The following SPECC1L variants were observed in gnomAD, a reference collection of about 807,000 sequenced individuals.
SPECC1L encodes cytospin-A.
SPECC1L carries 40 observed loss-of-function variants against 116.8 expected under a neutral mutation model. That is an observed-to-expected ratio of 0.34 (90% CI 0.27 to 0.45). The LOEUF is 0.45. Ranked by LOEUF, SPECC1L falls within the 20% of genes least tolerant of loss-of-function variation. The pLI is 1.00. For missense variants in SPECC1L, 1,110 were observed against 1,373.6 expected (o/e 0.81, Z 3.03); for synonymous variants, 504 against 500.6 (o/e 1.01, Z -0.09).
chr22:24,388,715 A>G (rs1371234372), intron 14 of SPECC1L, among the ~76,000 whole-genome samples: 1 of 152,318 alleles, frequency 6.6e-6, no homozygotes, highest in South Asian at 2.1e-4. Flanking sequence ...CTCTCTTGCC[A>G]TGTAAATAAA....
At chr22:24,312,923 T>C (rs1409911264) in intron 3 of SPECC1L, among the ~76,000 whole-genome samples, 2 of 152,234 alleles carry the variant, frequency 1.3e-5, no homozygotes, top group African/African-American at 2.4e-5. Flanking sequence ...GGAATCACTT[T>C]AGAGCAGTGA....
At position 24,275,358 on chromosome 22, in the gene SPECC1L, G is replaced by A. The variant is rs200049783; in HGVS notation, c.-141-1342G>A. ...GCTGTGAGACACCTCCCAGTAGTGC[G>A]TACCAACTTTTCAAAGTCTGTTTAA... is the stretch of plus-strand genomic sequence containing the variant. On this transcript the variant is annotated intron_variant, in intron 1 of 16. Coordinates refer to ENST00000314328, the MANE Select transcript of SPECC1L (RefSeq NM_015330.6). 4.1e-3 allele frequency among the ~76,000 whole-genome samples: 616 copies of A among 148,746 alleles called. 2 individuals are homozygous for A. Among genetic ancestry groups the A allele is most frequent in the African/African-American group, 0.014 (569 of 40,224 alleles).
In SPECC1L at chr22:24,363,334, G is replaced by A. The variant is rs1244471540; in HGVS notation, c.2817G>A (p.Lys939=). 6.2e-7 allele frequency: 1 copy of A among 1,613,936 alleles called. No individual in the cohort carries two copies. The highest frequency in any genetic ancestry group is 2.2e-5 in the East Asian group (1 of 44,894). ...GAGTGCCTGCGATGGAAAGTGCCAAGACCCTCTCAGGTGATGACTTTCATC... is the reference window on the plus strand; with the variant it reads ...GAGTGCCTGCGATGGAAAGTGCCAAAACCCTCTCAGGTGATGACTTTCATC... ...LPRVPAMESA[K]TLSVSRRSSE... is the part of the protein sequence containing the mutation. Residue 939 remains lysine (K), a synonymous_variant, in exon 12 of 17, where the codon AAG becomes AAA. Coordinates refer to ENST00000314328, the MANE Select transcript of SPECC1L (RefSeq NM_015330.6).
At chr22:24,310,299 A>G (rs2040438004) in intron 3 of SPECC1L, among the ~76,000 whole-genome samples, 1 of 152,236 alleles carries the variant, frequency 6.6e-6, no homozygotes, top group East Asian at 1.9e-4. Context: ...GCAATAAAAA[A>G]CAATGCTGCA....
chr22:24,385,841 A>G (rs1203441540), intron 14 of SPECC1L, among the ~76,000 whole-genome samples: 1 of 152,254 alleles, frequency 6.6e-6, no homozygotes, highest in Non-Finnish European at 1.5e-5. Flanking sequence ...TAGAAAAAGC[A>G]AATGAAATTT....
At chr22:24,341,202 A>G (rs2041170364) in intron 10 of SPECC1L, among the ~76,000 whole-genome samples, 1 of 152,178 alleles carries the variant, frequency 6.6e-6, no homozygotes, top group South Asian at 2.1e-4. Flanking sequence ...CTGCATAGAG[A>G]AAGGAGTATA....
At chr22:24,338,501 GCT>G in intron 10 of SPECC1L, 24 bp downstream of exon 10, 1 of 1,606,030 alleles carries the variant, frequency 6.2e-7, no homozygotes, top group Non-Finnish European at 8.5e-7. Flanking sequence ...ACCACAGGAG[GCT>G]CTTAGAGCCT....
chr22:24,359,662 A>C (rs998704849), intron 11 of SPECC1L, among the ~76,000 whole-genome samples: 1 of 151,624 alleles, frequency 6.6e-6, no homozygotes, highest in Non-Finnish European at 1.5e-5. Flanking sequence ...CCTCTGGCCT[A>C]CCTTTGAAGG....
rs2049294438 is a variant in SPECC1L, at chr22:24,297,676, G to C, written c.-37-4519G>C. Among the ~76,000 whole-genome samples, 5 of 151,760 alleles carry C rather than the reference G, an allele frequency of 3.3e-5. No homozygotes were observed. In the South Asian group the frequency reaches 8.3e-4, roughly 25 times the overall value. The stretch of plus-strand genomic sequence containing the variant: ...TGGTCAACCAAGGTCTGAAAATATT[G>C]AATGGAAAAATTCCTGAAACAAACA... On this transcript the variant is annotated intron_variant, in intron 2 of 16. Transcript: ENST00000314328.
At chr22:24,284,243 G>T (rs1457376060) in intron 2 of SPECC1L, among the ~76,000 whole-genome samples, 1 of 151,852 alleles carries the variant, frequency 6.6e-6, no homozygotes, top group Admixed American at 6.6e-5. Flanking sequence ...GTTTTTAAAG[G>T]TAATTTAAGG....
intron 2 of SPECC1L, among the ~76,000 whole-genome samples, chr22:24,279,008 A>T (rs1010784297): frequency 3.9e-5 from 6 of 152,214 alleles, no homozygotes; most frequent in African/African-American, 1.4e-4. Context: ...TCACAAAAGG[A>T]TGAGGGAGGT....
At chr22:24,307,775 G>A (rs1037022548) in intron 3 of SPECC1L, among the ~76,000 whole-genome samples, 5 of 151,674 alleles carry the variant, frequency 3.3e-5, no homozygotes, top group African/African-American at 1.2e-4. Flanking sequence ...CTGATTGCAG[G>A]AGATCCTTCT....
intron 11 of SPECC1L, among the ~76,000 whole-genome samples, chr22:24,362,370 A>G (rs1601607952): frequency 6.6e-6 from 1 of 152,206 alleles, no homozygotes. Context: ...GCCAATGCCC[A>G]AGGAACTAAA....
chr22:24,390,135 T>TAAA (rs397961386), intron 14 of SPECC1L, among the ~76,000 whole-genome samples: 3 of 135,620 alleles, frequency 2.2e-5, no homozygotes, highest in East Asian at 2.1e-4. Context: ...CCCCAACCCT[T>TAAA]AAAAAAAAAA....
chr22:24,311,319 T>C (rs2040456243), intron 3 of SPECC1L, among the ~76,000 whole-genome samples: 1 of 152,202 alleles, frequency 6.6e-6, no homozygotes, highest in Non-Finnish European at 1.5e-5. Flanking sequence ...AAAGATTAGT[T>C]CAAAGATAAT....
In SPECC1L at chr22:24,363,300, C is replaced by G. The variant is rs1569435933; in HGVS notation, c.2783C>G (p.Ser928Cys). The G allele has an allele frequency of 6.2e-7, 1 of 1,614,214 alleles. No individual in the cohort carries two copies. The highest frequency in any genetic ancestry group is 8.5e-7 in the Non-Finnish European group (1 of 1,180,030). Residue 928 changes from serine (S) to cysteine (C), a missense_variant, in exon 12 of 17, where the codon TCC becomes TGC. Ser to Cys is a moderately radical substitution (Grantham distance 112). This residue lies in a region of SPECC1L where 575 missense variants were observed against 682.4 expected (regional missense o/e 0.84). Transcript: ENST00000314328. ...LRTSSASRPA[S>C]LPRVPAMESA... ...ACATCTTCAGCCAGCCGGCCTGCTT[C>G]CCTGCCAAGAGTGCCTGCGATGGAA... is the stretch of plus-strand genomic sequence containing the variant.
chr22:24,356,830 C>A (rs1365546715), intron 11 of SPECC1L, among the ~76,000 whole-genome samples: 1 of 152,030 alleles, frequency 6.6e-6, no homozygotes, highest in East Asian at 1.9e-4. Flanking sequence ...TAAATTCTTT[C>A]AGTGGTTGCC....
chr22:24,375,943 C>T (rs567315269), intron 14 of SPECC1L, among the ~76,000 whole-genome samples: 1 of 151,800 alleles, frequency 6.6e-6, no homozygotes, highest in East Asian at 1.9e-4. Context: ...GAGTGAGACT[C>T]TGTCTCAAAA....
intron 10 of SPECC1L, chr22:24,343,371 T>C (rs1196358570): frequency 5.3e-6 from 2 of 379,670 alleles, no homozygotes; most frequent in African/African-American, 4.4e-5. Flanking sequence ...GATAAGAAAC[T>C]CTTAAGGACA....
Sources: gnomAD v4.1 joint callset for allele counts (sites outside exome capture counted in the v4.1 genomes callset) on GRCh38, gnomAD v4.1.1 for gene constraint, gnomAD v4.1.1 regional missense constraint, MANE v1.5 for transcripts, NCBI Gene and HGNC (gene_info 2026-07-23, HGNC 2026-07-21) for gene names.